The following KRT77 variants were observed in gnomAD, a reference collection of about 807,000 sequenced individuals.
KRT77 encodes keratin 77.
Under a neutral mutation model 51.5 loss-of-function variants are expected in KRT77, and 44 were observed. The observed-to-expected ratio is 0.85, with a 90% CI of 0.67 to 1.10. The LOEUF (loss-of-function observed/expected upper bound fraction) is 1.10. KRT77 is among the 50% of genes least tolerant of loss of function. The pLI is 0.00. For synonymous variants in KRT77, 293 were observed against 302.0 expected, an observed-to-expected ratio of 0.97 and a Z score of 0.31; for missense variants, 763 against 743.9, an observed-to-expected ratio of 1.03 and a Z score of -0.30.
intron 7 of KRT77, 76 bp from the exon 8 acceptor site, chr12:52,692,048 A>G: frequency 6.8e-7 from 1 of 1,477,782 alleles, no homozygotes; most frequent in East Asian, 2.3e-5. Context: ...AGACATCTGG[A>G]TCAGAGGTGT....
Position 52,692,617 on chromosome 12 carries a change from A to T in KRT77, c.1231T>A (p.Ser411Thr). The T allele has an allele frequency of 6.2e-7, 1 of 1,603,236 alleles. No individual in the cohort carries two copies. The highest frequency in any genetic ancestry group is 8.5e-7 in the Non-Finnish European group (1 of 1,170,622). The change falls in exon 7 of 9, where the codon TCG becomes ACG. Residue 411 changes from serine to threonine, a missense_variant. Coordinates refer to ENST00000341809, the MANE Select transcript of KRT77 (RefSeq NM_175078.3). ...TGCTCGCCTCTCTCCTCAGCATCCG[A>T]AATGAGTGACTGCATCTGTTCAATC... ...KQIEQMQSLISDAEERGEQAL... is the reference protein window; with the variant it reads ...KQIEQMQSLITDAEERGEQAL...
chr12:52,693,006 A>G (rs1941740241), intron 5 of KRT77, 126 bp from the exon 6 acceptor site: 3 of 1,063,916 alleles, frequency 2.8e-6, no homozygotes, highest in Admixed American at 4.6e-5. Flanking sequence ...TCACCCCTAC[A>G]TGCATACTCA....
chr12:52,701,889 G>C (rs1356166715), intron 1 of KRT77, among the ~76,000 whole-genome samples: 1 of 152,150 alleles, frequency 6.6e-6, no homozygotes, highest in African/African-American at 2.4e-5. Flanking sequence ...ACCATGCCCT[G>C]CCTGCTTCTC....
intron 2 of KRT77, 61 bp from the exon 3 acceptor site, chr12:52,696,491 C>T (rs1240903128): frequency 2.2e-6 from 3 of 1,357,628 alleles, no homozygotes; most frequent in Admixed American, 1.7e-5. Flanking sequence ...CCCTGAGGTC[C>T]CTCCTTACAG....
In KRT77 at chr12:52,691,370, T is replaced by C. The variant is rs766546122; in HGVS notation, c.1532A>G (p.Tyr511Cys). 4 of 1,604,014 alleles carry C rather than the reference T, an allele frequency of 2.5e-6. No homozygotes were observed. The highest frequency in any genetic ancestry group is 1.1e-5 in the South Asian group (1 of 90,592). Residue 511 changes from tyrosine (Y) to cysteine (C), a missense_variant, in exon 9 of 9, where the codon TAC becomes TGC. Tyr to Cys is a radical substitution (Grantham distance 194, BLOSUM62 -2). Transcript: ENST00000341809. The part of the protein sequence containing the change: ...GGGGSYGSGG[Y>C]GGGSGGGYGG... ...ATAGCCCCCACCGCTGCCGCCGCCG[T>C]AGCCTCCTGAGCCGTAGCTGCCGCC... is the stretch of plus-strand genomic sequence containing the variant.
At chr12:52,694,274 GAATGA>G (rs1158757913) in intron 5 of KRT77, among the ~76,000 whole-genome samples, 2 of 152,232 alleles carry the variant, frequency 1.3e-5, no homozygotes, top group African/African-American at 4.8e-5. Context: ...TGTAAGGACT[GAATGA>G]AATAATAATA....
At chr12:52,698,172 TC>T (rs1182044672) in intron 1 of KRT77, 2 of 1,356,744 alleles carry the variant, frequency 1.5e-6, no homozygotes, top group South Asian at 1.2e-5. Flanking sequence ...CATAGAGCAC[TC>T]ACCCTCCACA....
At chr12:52,691,582 G>T in intron 8 of KRT77, 143 bp from the exon 9 acceptor site, 2 of 987,746 alleles carry the variant, frequency 2.0e-6, no homozygotes, top group South Asian at 1.6e-5. Context: ...AATTGAAAGT[G>T]TTCCTACTTG....
chr12:52,703,131 T>C lies in KRT77; in HGVS notation c.304A>G (p.Thr102Ala), dbSNP rs889773976. The C allele has an allele frequency of 1.9e-6, 3 of 1,610,626 alleles. No homozygotes were observed. Among genetic ancestry groups the C allele is most frequent in the Non-Finnish European group, 2.5e-6 (3 of 1,178,130 alleles). Reference protein sequence around the residue: ...GGGRGFGVGSTGAGGFGGGGF... With the variant: ...GGGRGFGVGSAGAGGFGGGGF... ...CCTCCTCCAAAGCCACCAGCCCCGG[T>C]GCTGCCAACCCCAAAGCCTCTGCCC... Residue 102 changes from threonine to alanine, a missense_variant, in exon 1 of 9, where the codon ACC (threonine) becomes GCC (alanine). Physicochemically the swap from Thr to Ala is moderately conservative, Grantham distance 58. Coordinates refer to ENST00000341809, the MANE Select transcript of KRT77 (RefSeq NM_175078.3).
At chr12:52,697,533 A>G (rs1049859923) in intron 2 of KRT77, 149 bp downstream of exon 2, 10 of 597,414 alleles carry the variant, frequency 1.7e-5, no homozygotes, top group Non-Finnish European at 3.0e-5. Flanking sequence ...GTTGCCACAT[A>G]CAAAACAGTG....
chr12:52,691,870 G>T, intron 8 of KRT77, 68 bp downstream of exon 8: 1 of 1,587,118 alleles, frequency 6.3e-7, no homozygotes, highest in South Asian at 1.1e-5. Context: ...TTCTCTGCTG[G>T]CCACCTCCTG....
intron 1 of KRT77, among the ~76,000 whole-genome samples, chr12:52,699,870 C>T (rs1362325863): frequency 2.0e-5 from 3 of 152,196 alleles, no homozygotes; most frequent in African/African-American, 7.2e-5. Flanking sequence ...CCAGGGGACA[C>T]AGTGGACCCA....
Position 52,697,690 on chromosome 12 carries a change from G to C in KRT77, c.750C>G (p.Tyr250Ter), listed in dbSNP as rs1467030683. The C allele has an allele frequency of 6.2e-7, 1 of 1,610,356 alleles. No individual in the cohort carries two copies. The highest frequency in any genetic ancestry group is 1.3e-5 in the African/African-American group (1 of 74,614). ...CCTGCCTGGAGTCTCACTTGCTCTT[G>C]TAGTCCTCCACGACATCCTGCATGC... Reference protein sequence around the residue: ...VRSMQDVVEDYKSKYEDEINK... With the variant: ...VRSMQDVVED The change falls in exon 2 of 9, where the codon TAC becomes TAG. Residue 250 changes from tyrosine to a stop codon, truncating the protein, a stop_gained. Coordinates refer to ENST00000341809, the MANE Select transcript of KRT77 (RefSeq NM_175078.3). LOFTEE classifies it high-confidence loss of function.
intron 7 of KRT77, 50 bp from the exon 8 acceptor site, chr12:52,692,022 G>C (rs750407432): frequency 1.9e-6 from 3 of 1,595,656 alleles, no homozygotes; most frequent in South Asian, 2.2e-5. Context: ...CCTGAGGAGA[G>C]AAGGCTGTGG....
intron 2 of KRT77, 198 bp from the exon 3 acceptor site, chr12:52,696,628 TG>T (rs952533598): frequency 5.4e-6 from 3 of 556,432 alleles, no homozygotes; most frequent in Non-Finnish European, 9.6e-6. Flanking sequence ...CCTAGGTCTG[TG>T]GGCCAACAGA....
chr12:52,695,644 T>C lies in KRT77; in HGVS notation c.915+128A>G, dbSNP rs974968153. 5.6e-5 allele frequency: 36 copies of C among 645,642 alleles called. No individual in the cohort carries two copies. In the East Asian group the frequency reaches 9.8e-4, roughly 18 times the overall value. The allele number at this position is 645,642 out of a possible 1,614,324, so 40.0% of individuals were successfully genotyped here. A position where few individuals can be genotyped will look rare whatever the true frequency, so the allele number is the denominator to read the frequency against. ...GATGGCTGACTCCAGGCCCACAGAG[T>C]TGGGGTACCTGGGGAGATGAGTCCC... On this transcript the variant is annotated intron_variant, in intron 4 of 8. Transcript: ENST00000341809.
intron 1 of KRT77, chr12:52,698,264 T>G (rs1325870110): frequency 3.0e-6 from 2 of 658,614 alleles, no homozygotes; most frequent in African/African-American, 3.7e-5. Flanking sequence ...CCTTTCTCTT[T>G]GTGGTCAAAA....
chr12:52,692,652 G>A lies in KRT77; in HGVS notation c.1207-11C>T. On this transcript the variant is annotated splice_polypyrimidine_tract_variant and intron_variant, in intron 6 of 8. Transcript: ENST00000341809. ...CTGCATCTGTTCAATCTGCTCCAGA[G>A]ACAGTTGGAGACCATTTAATGGTTA... The A allele has an allele frequency of 6.4e-7, 1 of 1,569,304 alleles. No homozygotes were observed. The highest frequency in any genetic ancestry group is 8.7e-7 in the Non-Finnish European group (1 of 1,144,960).
chr12:52,696,487 G>C, intron 2 of KRT77, 57 bp from the exon 3 acceptor site: 1 of 1,423,012 alleles, frequency 7.0e-7, no homozygotes, highest in Non-Finnish European at 9.9e-7. Context: ...GGCTCCCTGA[G>C]GTCCCTCCTT....
Sources: allele counts gnomAD v4.1 joint callset (sites outside exome capture counted in the v4.1 genomes callset), GRCh38; gene constraint gnomAD v4.1.1; transcripts MANE v1.5; gene names NCBI Gene and HGNC (gene_info 2026-07-23, HGNC 2026-07-21).